RGL1: variants seen among roughly 807,000 people sequenced by gnomAD.
The protein encoded by RGL1 is ral guanine nucleotide dissociation stimulator like 1.
Under a neutral mutation model 95.2 loss-of-function variants are expected in RGL1, and 24 were observed. The ratio of observed to expected loss-of-function variants is 0.25; its 90% CI spans 0.18 to 0.35. The LOEUF (loss-of-function observed/expected upper bound fraction) is 0.35, where lower values mean the gene tolerates loss of function less well. Ranked by LOEUF, RGL1 falls within the 10% of genes least tolerant of loss-of-function variation. RGL1 has a pLI of 1.00. For missense variants in RGL1, 715 were observed against 936.3 expected, an observed-to-expected ratio of 0.76 and a Z score of 3.08; for synonymous variants, 329 against 344.9, an observed-to-expected ratio of 0.95 and a Z score of 0.51.
At chr1:183,795,996 A>G (rs971901616) in intron 2 of RGL1, among the ~76,000 whole-genome samples, 1 of 152,122 alleles carries the variant, frequency 6.6e-6, no homozygotes, top group African/African-American at 2.4e-5. Context: ...GTAACAGATA[A>G]TAACAATGAT....
At chr1:183,801,992 A>G (rs2102403778), upstream of RGL1, among the ~76,000 whole-genome samples, 1 of 152,250 alleles carries the variant, frequency 6.6e-6, no homozygotes, top group Non-Finnish European at 1.5e-5. Flanking sequence ...AAATTTCAAC[A>G]TAAGATTATG....
intron 2 of RGL1, among the ~76,000 whole-genome samples, chr1:183,793,876 G>A (rs1017836266): frequency 2.6e-5 from 4 of 152,024 alleles, no homozygotes; most frequent in Non-Finnish European, 4.4e-5. Flanking sequence ...ATTACCATGC[G>A]ATCCAGCAAT....
intron 3 of RGL1, among the ~76,000 whole-genome samples, chr1:183,863,194 G>A (rs551252695): frequency 6.6e-5 from 10 of 152,312 alleles, no homozygotes; most frequent in South Asian, 2.1e-4. Flanking sequence ...TGTAGGAGGC[G>A]TGGGAGGAGG....
chr1:183,823,935 T>C (rs1409968476), intron 2 of RGL1, among the ~76,000 whole-genome samples: 4 of 152,140 alleles, frequency 2.6e-5, no homozygotes, highest in Non-Finnish European at 2.9e-5. Flanking sequence ...TACAGGCCTA[T>C]GCAATCCCCC....
At chr1:183,652,529 T>C (rs1274387257) in intron 1 of RGL1, among the ~76,000 whole-genome samples, 1 of 152,206 alleles carries the variant, frequency 6.6e-6, no homozygotes, top group Non-Finnish European at 1.5e-5. Flanking sequence ...AGAGAATTCA[T>C]GGTTTATTGT....
At chr1:183,911,164 C>G (rs971561294) in intron 14 of RGL1, among the ~76,000 whole-genome samples, 1 of 152,154 alleles carries the variant, frequency 6.6e-6, no homozygotes, top group Non-Finnish European at 1.5e-5. Context: ...AGTTTACTAG[C>G]GGTGTCACCG....
At chr1:183,674,750 A>G (rs2102061763) in intron 1 of RGL1, among the ~76,000 whole-genome samples, 1 of 152,360 alleles carries the variant, frequency 6.6e-6, no homozygotes, top group East Asian at 1.9e-4. Flanking sequence ...GTGAGCCCAC[A>G]GAAATGATAG....
intron 2 of RGL1, among the ~76,000 whole-genome samples, chr1:183,752,467 C>T (rs571101812): frequency 1.1e-4 from 17 of 152,116 alleles, no homozygotes; most frequent in African/African-American, 1.7e-4. Context: ...CCTTGTGATC[C>T]GCCCACCTCG....
chr1:183,900,213 A>G lies in RGL1; in HGVS notation c.1294A>G (p.Thr432Ala). 6.2e-7 allele frequency: 1 copy of G among 1,613,938 alleles called. No individual in the cohort carries two copies. The change falls in exon 11 of 18, where the codon ACT becomes GCT. Residue 432 changes from threonine to alanine, a missense_variant. This residue lies in a region of RGL1 where 330 missense variants were observed against 429.6 expected (regional missense o/e 0.77). Transcript: ENST00000360851. ...CCTGACTGACCTGACCATGCTTGACACTGCCCTTCAGGACTACATCGAGGT... is the reference window on the plus strand; with the variant it reads ...CCTGACTGACCTGACCATGCTTGACGCTGCCCTTCAGGACTACATCGAGGT... ...TFLTDLTMLD[T>A]ALQDYIEGGL...
chr1:183,854,202 C>T (rs566725050), intron 3 of RGL1, among the ~76,000 whole-genome samples: 1 of 152,242 alleles, frequency 6.6e-6, no homozygotes, highest in African/African-American at 2.4e-5. Context: ...GAGCTGTACC[C>T]AAATAAAACT....
At position 183,897,861 on chromosome 1, in the gene RGL1, G is replaced by A. The variant is rs1228897931; in HGVS notation, c.1194G>A (p.Lys398=). Residue 398 remains lysine (K), a synonymous_variant, in exon 10 of 18, where the codon AAG becomes AAA. Transcript: ENST00000360851. Reference sequence around the variant, plus strand: ...ACAGCAGTGTGAAAGAAAACCAGAAGCGTACCCAGAGGCGGCTGCAGCTCC... The same window carrying A: ...ACAGCAGTGTGAAAGAAAACCAGAAACGTACCCAGAGGCGGCTGCAGCTCC... ...NLDSSVKENQ[K]RTQRRLQLQK... is the part of the protein sequence containing the mutation. 3 of 1,613,940 alleles carry A rather than the reference G, an allele frequency of 1.9e-6. No homozygotes were observed. Among genetic ancestry groups the A allele is most frequent in the African/African-American group, 2.7e-5 (2 of 74,930 alleles).
chr1:183,756,818 C>T (rs1395224304), intron 2 of RGL1, among the ~76,000 whole-genome samples: 2 of 152,074 alleles, frequency 1.3e-5, no homozygotes, highest in Non-Finnish European at 2.9e-5. Context: ...AATTCTACTT[C>T]ACTTATGACT....
At chr1:183,791,742 T>C (rs1201885826) in intron 2 of RGL1, among the ~76,000 whole-genome samples, 3 of 152,232 alleles carry the variant, frequency 2.0e-5, no homozygotes, top group Non-Finnish European at 4.4e-5. Context: ...TATTCTAAAG[T>C]CCATTGACTG....
At chr1:183,880,008 ACTTCT>A (rs781422455) in intron 4 of RGL1, among the ~76,000 whole-genome samples, 2 of 152,172 alleles carry the variant, frequency 1.3e-5, no homozygotes, top group South Asian at 2.1e-4. Context: ...TAAAGACATA[ACTTCT>A]CTACCTACTG....
intron 2 of RGL1, among the ~76,000 whole-genome samples, chr1:183,841,782 GC>G (rs1029737477): frequency 2.0e-5 from 3 of 152,168 alleles, no homozygotes; most frequent in Non-Finnish European, 4.4e-5. Context: ...GGAGAGATGA[GC>G]AGAGCTTATT....
intron 3 of RGL1, among the ~76,000 whole-genome samples, chr1:183,864,242 T>C (rs1665691942): frequency 6.6e-6 from 1 of 152,182 alleles, no homozygotes; most frequent in Admixed American, 6.5e-5. Flanking sequence ...TTTCATAGCT[T>C]CCAGTTGAAA....
chr1:183,725,898 C>A (rs1445241430), intron 1 of RGL1, among the ~76,000 whole-genome samples: 1 of 152,094 alleles, frequency 6.6e-6, no homozygotes, highest in East Asian at 1.9e-4. Flanking sequence ...CCAAGATAGA[C>A]CACATGCTTA....
chr1:183,748,211 T>C (rs1385441783), intron 2 of RGL1, among the ~76,000 whole-genome samples: 1 of 152,078 alleles, frequency 6.6e-6, no homozygotes, highest in East Asian at 1.9e-4. Flanking sequence ...TTGATCCTTT[T>C]CTCTTTTCGT....
intron 3 of RGL1, among the ~76,000 whole-genome samples, chr1:183,861,261 GCCT>G (rs1665495323): frequency 6.6e-6 from 1 of 152,190 alleles, no homozygotes; most frequent in South Asian, 2.1e-4. Context: ...AGGATCACCC[GCCT>G]CCTGATCTGG....
Sources: allele counts gnomAD v4.1 joint callset (sites outside exome capture counted in the v4.1 genomes callset), GRCh38; gene constraint gnomAD v4.1.1; regional missense constraint gnomAD v4.1.1; transcripts MANE v1.5; gene names NCBI Gene and HGNC (gene_info 2026-07-23, HGNC 2026-07-21).